Variants in PANK1 observed in about 807,000 individuals in gnomAD.
PANK1 encodes the protein pantothenic acid kinase 1.
Under a neutral mutation model 40.1 loss-of-function variants are expected in PANK1, and 18 were observed. The observed-to-expected ratio is 0.45, with a 90% confidence interval of 0.31 to 0.67. The LOEUF is 0.67. Ranked by LOEUF, PANK1 falls within the 30% of genes least tolerant of loss-of-function variation. PANK1 has a pLI of 0.06. For missense variants in PANK1, 457 were observed against 599.6 expected, an observed-to-expected ratio of 0.76 and a Z score of 2.48; for synonymous variants, 242 against 237.7, an observed-to-expected ratio of 1.02 and a Z score of -0.17.
In PANK1 at chr10:89,589,180, G is replaced by A. The variant is rs540320019; in HGVS notation, c.1201-403C>T. ...CTTATAACCAACTCACAAATAAAACGGCTATGGTATGGTTTATTTGTGTAA... is the reference window on the plus strand; with the variant it reads ...CTTATAACCAACTCACAAATAAAACAGCTATGGTATGGTTTATTTGTGTAA... On this transcript the variant is annotated intron_variant, in intron 5 of 6. Transcript: ENST00000307534. Among the ~76,000 whole-genome samples the A allele has an allele frequency of 2.6e-5, 4 of 152,088 alleles. No homozygotes were observed. In the South Asian group the frequency reaches 6.2e-4, roughly 24 times the overall value.
At chr10:89,601,789 T>C (rs1844793969) in intron 2 of PANK1, among the ~76,000 whole-genome samples, 1 of 152,214 alleles carries the variant, frequency 6.6e-6, no homozygotes, top group Non-Finnish European at 1.5e-5. Context: ...ATGTATGTAA[T>C]TATACATGTT....
At chr10:89,619,115 T>C (rs1277292070) in intron 1 of PANK1, among the ~76,000 whole-genome samples, 1 of 152,272 alleles carries the variant, frequency 6.6e-6, no homozygotes, top group Admixed American at 6.5e-5. Flanking sequence ...GGTCCTGTTA[T>C]ATTTATTTCT....
intron 1 of PANK1, among the ~76,000 whole-genome samples, chr10:89,631,973 TG>T (rs537710441): frequency 0.079 from 6,429 of 81,792 alleles, 185 homozygotes; most frequent in South Asian, 0.17. Context: ...TGTGTGTGTG[TG>T]TGTTTTTTTT....
intron 1 of PANK1, among the ~76,000 whole-genome samples, chr10:89,638,100 A>G (rs1841875061): frequency 6.6e-6 from 1 of 152,252 alleles, no homozygotes; most frequent in Non-Finnish European, 1.5e-5. Context: ...CTATATTTTT[A>G]TATGACTAGC....
At chr10:89,623,025 A>G (rs1213217621) in intron 1 of PANK1, among the ~76,000 whole-genome samples, 6 of 152,126 alleles carry the variant, frequency 3.9e-5, no homozygotes, top group African/African-American at 1.2e-4. Flanking sequence ...TTCATTATCT[A>G]TCGTTAGGTG....
intron 1 of PANK1, among the ~76,000 whole-genome samples, chr10:89,620,824 G>T (rs1589800759): frequency 6.6e-6 from 1 of 152,158 alleles, no homozygotes; most frequent in Middle Eastern, 3.2e-3. Context: ...AGGCCCAGCT[G>T]TAAAATTTGT....
intron 1 of PANK1, among the ~76,000 whole-genome samples, chr10:89,631,494 C>T (rs1264220415): frequency 6.6e-6 from 1 of 152,196 alleles, no homozygotes; most frequent in Non-Finnish European, 1.5e-5. Context: ...AGTCCTATAC[C>T]CTAATTGTCT....
rs74935145 is a variant in PANK1 at position 89,630,901 on chromosome 10, G to A, written c.292+13699C>T. Among the ~76,000 whole-genome samples the A allele has an allele frequency of 4.0e-3, 609 of 152,292 alleles. 2 individuals are homozygous for A. The highest frequency in any genetic ancestry group is 0.014 in the African/African-American group (588 of 41,558). The stretch of plus-strand genomic sequence containing the variant: ...TTACACCCAAGCTGGATAGGCTGGC[G>A]CATCCCTGTAGTCTCAACTACTCAG... On this transcript the variant is annotated intron_variant, in intron 1 of 6. Transcript: ENST00000307534.
chr10:89,601,290 T>C lies in PANK1; in HGVS notation c.646-1785A>G, dbSNP rs1589774477. Among the ~76,000 whole-genome samples, 3 of 114,564 alleles carry C rather than the reference T, an allele frequency of 2.6e-5. No homozygotes were observed. The Admixed American group carries it at 3.5e-4, about 13-fold the overall frequency. 75.2% of individuals were successfully genotyped at this position (114,564 alleles called of 152,430 possible). On this transcript the variant is annotated intron_variant, in intron 2 of 6. Transcript: ENST00000307534. ...CGGATTTTGAGACCAACCTGGGCAA[T>C]ATACGGAGACCCATCTCTTAAAAAA...
At chr10:89,600,075 C>T (rs1456150865) in intron 2 of PANK1, among the ~76,000 whole-genome samples, 1 of 152,174 alleles carries the variant, frequency 6.6e-6, no homozygotes, top group East Asian at 1.9e-4. Context: ...CCCCAAGAGC[C>T]ACTGAAGGAA....
chr10:89,594,294 C>T (rs530588667), intron 3 of PANK1, among the ~76,000 whole-genome samples: 1 of 152,314 alleles, frequency 6.6e-6, no homozygotes, highest in South Asian at 2.1e-4. Context: ...GTTCAGCCTT[C>T]CCACCTATGA....
rs186778380 is a variant in PANK1, at chr10:89,639,512, A to C, written c.292+5088T>G. On this transcript the variant is annotated intron_variant, in intron 1 of 6. Transcript: ENST00000307534. ...TATACATTTTCCACATTGGGTTCTTACTACAACTGATAAGATGGCCACCAT... is the reference window on the plus strand; with the variant it reads ...TATACATTTTCCACATTGGGTTCTTCCTACAACTGATAAGATGGCCACCAT... Among the ~76,000 whole-genome samples, 53 of 152,316 alleles carry C rather than the reference A, an allele frequency of 3.5e-4. No homozygotes were observed. The East Asian group carries it at 9.8e-3, about 28-fold the overall frequency.
chr10:89,603,254 T>C (rs1386196836), intron 2 of PANK1, among the ~76,000 whole-genome samples: 1 of 152,190 alleles, frequency 6.6e-6, no homozygotes, highest in Non-Finnish European at 1.5e-5. Flanking sequence ...GTGATGTCAA[T>C]AAACACATAA....
At chr10:89,609,307 A>G (rs1016794644) in intron 2 of PANK1, among the ~76,000 whole-genome samples, 1 of 151,322 alleles carries the variant, frequency 6.6e-6, no homozygotes, top group Non-Finnish European at 1.5e-5. Context: ...CAAGCAATCC[A>G]CCCGCCTCAA....
intron 1 of PANK1, among the ~76,000 whole-genome samples, chr10:89,628,959 C>T (rs1841553776): frequency 6.6e-6 from 1 of 152,142 alleles, no homozygotes; most frequent in Non-Finnish European, 1.5e-5. Context: ...CTATGTCTTG[C>T]TTTTGGGCTA....
At chr10:89,618,430 C>G (rs1845384262) in intron 1 of PANK1, among the ~76,000 whole-genome samples, 1 of 152,146 alleles carries the variant, frequency 6.6e-6, no homozygotes, top group East Asian at 1.9e-4. Context: ...ATATCATCAC[C>G]TGAGTAACAG....
At chr10:89,629,609 T>G (rs975742371) in intron 1 of PANK1, among the ~76,000 whole-genome samples, 2 of 152,216 alleles carry the variant, frequency 1.3e-5, no homozygotes, top group African/African-American at 4.8e-5. Flanking sequence ...CTGTCTCATT[T>G]TACAAATCAC....
At chr10:89,600,164 ATTAAGT>A (rs1442284039) in intron 2 of PANK1, among the ~76,000 whole-genome samples, 1 of 152,240 alleles carries the variant, frequency 6.6e-6, no homozygotes, top group Non-Finnish European at 1.5e-5. Context: ...TGTTTGAACC[ATTAAGT>A]TTATTTGTTA....
At chr10:89,643,617 A>G in intron 1 of PANK1, 1 of 1,098,516 alleles carries the variant, frequency 9.1e-7, no homozygotes, top group East Asian at 2.4e-5. Flanking sequence ...GAAATCCAAA[A>G]CCTACTTAAC....
Sources: allele counts gnomAD v4.1 joint callset (sites outside exome capture counted in the v4.1 genomes callset), GRCh38; gene constraint gnomAD v4.1.1; transcripts MANE v1.5; gene names NCBI Gene and HGNC (gene_info 2026-07-23, HGNC 2026-07-21).